Variants in LRRC8C observed in about 807,000 individuals in gnomAD.
LRRC8C encodes volume-regulated anion channel subunit LRRC8C.
A neutral mutation model predicts 55.3 loss-of-function variants in LRRC8C; 20 were observed. The ratio of observed to expected loss-of-function variants is 0.36; its 90% confidence interval spans 0.25 to 0.53. The LOEUF is 0.53. LRRC8C is among the 20% of genes least tolerant of loss of function. LRRC8C has a pLI of 0.92. For missense variants in LRRC8C, 659 were observed against 951.4 expected (o/e 0.69, Z 4.04); for synonymous variants, 376 against 360.7 (o/e 1.04, Z -0.48).
chr1:89,712,789 A>G lies in LRRC8C; in HGVS notation c.219A>G (p.Gln73=). 6.2e-7 allele frequency: 1 copy of G among 1,614,182 alleles called. No individual in the cohort carries two copies. The highest frequency in any genetic ancestry group is 8.5e-7 in the Non-Finnish European group (1 of 1,180,030). ...QNHSSLSNVS[Q]AVASTTPLPP... is the part of the protein sequence containing the mutation. ...ACTCTTCCCTTTCGAATGTCTCTCA[A>G]GCAGTTGCCAGTACCACTCCACTGC... The change falls in exon 3 of 3, where the codon CAA becomes CAG. Residue 73 remains glutamine, a synonymous_variant. Transcript: ENST00000370454.
In LRRC8C at chr1:89,719,337, T is replaced by G. The variant is rs1460953925; in HGVS notation, c.*4355T>G. On this transcript the variant is annotated 3_prime_UTR_variant, in exon 3 of 3. Coordinates refer to ENST00000370454, the MANE Select transcript of LRRC8C (RefSeq NM_032270.5). ...TGGAGCTCAAACTCCATGACTTACG[T>G]GCTCACTAAGTTTTCTTTTTTCCCC... 3 of 152,188 alleles carry G rather than the reference T, an allele frequency of 2.0e-5. No homozygotes were observed. Among genetic ancestry groups the G allele is most frequent in the African/African-American group, 7.2e-5 (3 of 41,440 alleles). The allele number at this position is 152,188 out of a possible 1,614,324, so 9.4% of individuals were successfully genotyped here. A position where few individuals can be genotyped will look rare whatever the true frequency, so the allele number is the denominator to read the frequency against.
intron 1 of LRRC8C, among the ~76,000 whole-genome samples, chr1:89,651,567 C>CAAAA (rs1179039674): frequency 2.2e-4 from 9 of 40,692 alleles, no homozygotes; most frequent in East Asian, 1.4e-3. Context: ...GACTCTGTCT[C>CAAAA]AAAAAAAAAA....
At chr1:89,710,789 G>T (rs1159292973) in intron 2 of LRRC8C, among the ~76,000 whole-genome samples, 2 of 152,184 alleles carry the variant, frequency 1.3e-5, no homozygotes, top group South Asian at 2.1e-4. Flanking sequence ...AATGTGACTT[G>T]TTTGTGCAAA....
rs1658841918 is a variant in LRRC8C at position 89,717,011 on chromosome 1, T to C, written c.*2029T>C. 6.6e-6 allele frequency: 1 copy of C among 152,162 alleles called. No individual in the cohort carries two copies. The highest frequency in any genetic ancestry group is 2.4e-5 in the African/African-American group (1 of 41,430). 9.4% of individuals were successfully genotyped at this position (152,162 alleles called of 1,614,324 possible). On this transcript the variant is annotated 3_prime_UTR_variant, in exon 3 of 3. Coordinates refer to ENST00000370454, the MANE Select transcript of LRRC8C (RefSeq NM_032270.5). ...TTAGAATGGTGATTTTGCTGATTAA[T>C]TTAGACCTGGAATTGAAATAATGTG...
intron 1 of LRRC8C, among the ~76,000 whole-genome samples, chr1:89,676,768 C>T (rs566497277): frequency 1.3e-5 from 2 of 152,206 alleles, no homozygotes; most frequent in Non-Finnish European, 1.5e-5. Flanking sequence ...AAACAATAAT[C>T]AACCCCATTT....
At chr1:89,688,077 C>G (rs1485566303) in intron 2 of LRRC8C, among the ~76,000 whole-genome samples, 1 of 152,146 alleles carries the variant, frequency 6.6e-6, no homozygotes, top group Non-Finnish European at 1.5e-5. Flanking sequence ...GGTTAACGAT[C>G]CTCCCAAGGT....
At chr1:89,676,299 A>G (rs747559112) in intron 1 of LRRC8C, 4 of 152,234 alleles carry the variant, frequency 2.6e-5, no homozygotes, top group Non-Finnish European at 5.9e-5. Flanking sequence ...ACCTCAGAAG[A>G]CATTACTGAT....
chr1:89,633,059 T>C (rs1318569431), upstream of LRRC8C: 1 of 151,720 alleles, frequency 6.6e-6, no homozygotes, highest in Non-Finnish European at 1.5e-5. Context: ...GGGGCGGCGC[T>C]GGAGGCGGCT....
chr1:89,683,851 A>G (rs990406638), intron 1 of LRRC8C, among the ~76,000 whole-genome samples: 1 of 152,232 alleles, frequency 6.6e-6, no homozygotes, highest in African/African-American at 2.4e-5. Context: ...AGACAAAACA[A>G]CATATCATAT....
At chr1:89,688,611 G>A (rs1339090683) in intron 2 of LRRC8C, among the ~76,000 whole-genome samples, 1 of 152,162 alleles carries the variant, frequency 6.6e-6, no homozygotes, top group Non-Finnish European at 1.5e-5. Context: ...CCAGGCAGAG[G>A]GAACAGCAAG....
intron 1 of LRRC8C, among the ~76,000 whole-genome samples, chr1:89,674,358 T>A (rs925729510): frequency 5.3e-5 from 8 of 152,168 alleles, no homozygotes; most frequent in Non-Finnish European, 1.2e-4. Context: ...GAGCATCAAA[T>A]GTGTTTGCAT....
At chr1:89,665,662 G>T (rs941050197) in intron 1 of LRRC8C, among the ~76,000 whole-genome samples, 1 of 152,080 alleles carries the variant, frequency 6.6e-6, no homozygotes, top group Non-Finnish European at 1.5e-5. Context: ...AAGCAAAAAA[G>T]TTGCAGTAAC....
intron 1 of LRRC8C, among the ~76,000 whole-genome samples, chr1:89,649,135 T>C (rs1393460414): frequency 3.9e-5 from 6 of 152,190 alleles, no homozygotes; most frequent in African/African-American, 1.4e-4. Flanking sequence ...GTGTTTGACA[T>C]TGTGATGTAA....
the LRRC8C span, among the ~76,000 whole-genome samples, chr1:89,621,338 A>G: frequency 5.7e-3 from 851 of 150,500 alleles, 2 homozygotes; most frequent in African/African-American, 0.017. Flanking sequence ...GCGTGGTGGC[A>G]GGCGCCTGTA....
At chr1:89,642,212 T>G (rs1656477196) in intron 1 of LRRC8C, among the ~76,000 whole-genome samples, 1 of 152,226 alleles carries the variant, frequency 6.6e-6, no homozygotes, top group Non-Finnish European at 1.5e-5. Flanking sequence ...CCTCCTCAGA[T>G]TCTTATCCTG....
chr1:89,655,432 A>C (rs935077255), intron 1 of LRRC8C, among the ~76,000 whole-genome samples: 1 of 152,120 alleles, frequency 6.6e-6, no homozygotes, highest in Non-Finnish European at 1.5e-5. Context: ...TCTGTCTTTC[A>C]GTTGGAGGCA....
Position 89,686,564 on chromosome 1 carries a change from C to G in LRRC8C, c.91C>G (p.Leu31Val). 1 of 1,614,168 alleles carries G rather than the reference C, an allele frequency of 6.2e-7. No individual in the cohort carries two copies. Among genetic ancestry groups the G allele is most frequent in the Non-Finnish European group, 8.5e-7 (1 of 1,180,022 alleles). The stretch of plus-strand genomic sequence containing the variant: ...ATGGTGGGATGTGTTTACCGATTAC[C>G]TCTCAGTAGCCATGCTCATGATCGG... ...KPWWDVFTDY[L>V]SVAMLMIGVF... Residue 31 changes from leucine to valine, a missense_variant, in exon 2 of 3, where the codon CTC becomes GTC. Physicochemically the swap from Leu to Val is conservative, Grantham distance 32. Around this residue, in one of 5 missense-constraint regions of LRRC8C, gnomAD observed 17 missense variants for 38.2 expected, o/e 0.44. Transcript: ENST00000370454.
Position 89,649,520 on chromosome 1 carries a change from G to A in LRRC8C, c.-5+16198G>A, listed in dbSNP as rs181964353. On this transcript the variant is annotated intron_variant, in intron 1 of 2. Transcript: ENST00000370454. ...CTCTTTTTGTTGTGTGTCCAGAAAA[G>A]ATTTTTTTTAAGATTTTCTTATTCT... Among the ~76,000 whole-genome samples the A allele has an allele frequency of 3.3e-5, 5 of 151,872 alleles. No homozygotes were observed. The East Asian group carries it at 5.8e-4, about 18-fold the overall frequency.
chr1:89,678,526 C>T (rs1292171472), intron 1 of LRRC8C, among the ~76,000 whole-genome samples: 1 of 152,012 alleles, frequency 6.6e-6, no homozygotes, highest in Non-Finnish European at 1.5e-5. Flanking sequence ...CATGGAGAAA[C>T]CCCGTCTCTA....
Sources: gnomAD v4.1 joint callset for allele counts (sites outside exome capture counted in the v4.1 genomes callset) on GRCh38, gnomAD v4.1.1 for gene constraint, gnomAD v4.1.1 regional missense constraint, MANE v1.5 for transcripts, NCBI Gene and HGNC (gene_info 2026-07-23, HGNC 2026-07-21) for gene names.